The following ZNG1A variants were observed in gnomAD, a reference collection of about 807,000 sequenced individuals.
ZNG1A encodes zinc-regulated GTPase metalloprotein activator 1A.
chr9:122,349 T>G, the ZNG1A span: 2 of 1,328,094 alleles, frequency 1.5e-6, no homozygotes, highest in African/African-American at 3.0e-5. Flanking sequence ...AATACATATA[T>G]TAGGATGGTT....
chr9:174,841 G>T, the ZNG1A span, among the ~76,000 whole-genome samples: 1 of 150,626 alleles, frequency 6.6e-6, no homozygotes, highest in Non-Finnish European at 1.5e-5. Flanking sequence ...ATTGTGTCTA[G>T]AGCTATTTTT....
chr9:131,179 CT>C, the ZNG1A span, among the ~76,000 whole-genome samples: 4 of 131,736 alleles, frequency 3.0e-5, no homozygotes, highest in Admixed American at 7.6e-5. Context: ...CCATTTCAGA[CT>C]TTTTTTTTCC....
the ZNG1A span, among the ~76,000 whole-genome samples, chr9:157,066 A>G: frequency 1.5e-5 from 2 of 132,280 alleles, no homozygotes; most frequent in African/African-American, 5.7e-5. Flanking sequence ...CCTTTCAAAC[A>G]CCCTAGAAAC....
At chr9:144,911 G>C in the ZNG1A span, among the ~76,000 whole-genome samples, 1 of 151,602 alleles carries the variant, frequency 6.6e-6, no homozygotes, top group Non-Finnish European at 1.5e-5. Context: ...CTTCTCAAAA[G>C]AAGACATTTA....
At chr9:138,227 G>A in the ZNG1A span, among the ~76,000 whole-genome samples, 1 of 151,606 alleles carries the variant, frequency 6.6e-6, no homozygotes, top group South Asian at 2.1e-4. Context: ...AGAAGCTACA[G>A]GTGAAAAACA....
the ZNG1A span, chr9:156,451 G>A: frequency 1.9e-6 from 3 of 1,567,138 alleles, no homozygotes; most frequent in Non-Finnish European, 2.6e-6. Flanking sequence ...CAATTAGCCA[G>A]CAATCAATAT....
chr9:133,801 C>A, the ZNG1A span, among the ~76,000 whole-genome samples: 11 of 151,080 alleles, frequency 7.3e-5, no homozygotes, highest in Non-Finnish European at 1.6e-4. Context: ...CCCACCAAGC[C>A]CTGTACTAAG....
the ZNG1A span, chr9:121,887 T>C: frequency 1.9e-6 from 3 of 1,601,872 alleles, no homozygotes; most frequent in African/African-American, 4.0e-5. Flanking sequence ...GTTAATCTGT[T>C]TAAGTGGCAC....
chr9:172,552 C>G, the ZNG1A span: 138 of 162,238 alleles, frequency 8.5e-4, no homozygotes, highest in African/African-American at 3.2e-3. Context: ...TATTAAACAC[C>G]ATATAATTCT....
At chr9:172,391 C>G in the ZNG1A span, 1 of 464,650 alleles carries the variant, frequency 2.2e-6, no homozygotes, top group Non-Finnish European at 3.9e-6. Context: ...AAATCATATA[C>G]ATAATACTTT....
chr9:140,001 C>A, the ZNG1A span, among the ~76,000 whole-genome samples: 2 of 150,500 alleles, frequency 1.3e-5, no homozygotes, highest in Admixed American at 6.6e-5. Flanking sequence ...GCACCTGGCT[C>A]GGAGGGTCCC....
the ZNG1A span, among the ~76,000 whole-genome samples, chr9:168,292 C>T: frequency 6.6e-6 from 1 of 151,224 alleles, no homozygotes; most frequent in Non-Finnish European, 1.5e-5. Context: ...CTCGCTCTGT[C>T]ACCCAGGCTG....
chr9:135,717 G>A, the ZNG1A span, among the ~76,000 whole-genome samples: 1 of 116,186 alleles, frequency 8.6e-6, no homozygotes, highest in Non-Finnish European at 1.6e-5. Context: ...CAGATGCTTT[G>A]CCTTGAAAAC....
the ZNG1A span, among the ~76,000 whole-genome samples, chr9:160,692 T>C: frequency 6.7e-6 from 1 of 150,294 alleles, no homozygotes; most frequent in Non-Finnish European, 1.5e-5. Context: ...AATCATAAAA[T>C]ACATAAACAG....
chr9:169,350 TTAAC>T, the ZNG1A span, among the ~76,000 whole-genome samples: 1 of 147,396 alleles, frequency 6.8e-6, no homozygotes, highest in East Asian at 2.0e-4. Flanking sequence ...TAAGAAAACT[TTAAC>T]TAATGAGAAG....
the ZNG1A span, among the ~76,000 whole-genome samples, chr9:152,689 AC>A: frequency 6.6e-6 from 1 of 151,814 alleles, no homozygotes; most frequent in Non-Finnish European, 1.5e-5. Context: ...ACCAAAAAGT[AC>A]CTGTTAAATT....
At chr9:140,385 A>G in the ZNG1A span, among the ~76,000 whole-genome samples, 1 of 149,670 alleles carries the variant, frequency 6.7e-6, no homozygotes, top group Admixed American at 6.6e-5. Context: ...ACTGGGAGGC[A>G]CCCCCTAGCA....
At chr9:157,667 A>T in the ZNG1A span, among the ~76,000 whole-genome samples, 1 of 148,932 alleles carries the variant, frequency 6.7e-6, no homozygotes. Flanking sequence ...TTTTTAATTG[A>T]ACACACACCC....
At chr9:162,431 C>G in the ZNG1A span, 1 of 1,497,526 alleles carries the variant, frequency 6.7e-7, no homozygotes, top group Non-Finnish European at 9.1e-7. Context: ...TTTCAACTTA[C>G]TTTTAATCCA....
Sources: gnomAD v4.1 joint callset for allele counts (sites outside exome capture counted in the v4.1 genomes callset) on GRCh38, gnomAD v4.1.1 for gene constraint, MANE v1.5 for transcripts, NCBI Gene and HGNC (gene_info 2026-07-23, HGNC 2026-07-21) for gene names.